Variants in WASHC5 observed in about 807,000 individuals in gnomAD.
WASHC5 encodes WASH complex subunit strumpellin.
In WASHC5, 101 loss-of-function variants were observed where a neutral mutation model predicts 150.4. The ratio of observed to expected loss-of-function variants is 0.67; its 90% confidence interval spans 0.57 to 0.79. WASHC5 has a LOEUF of 0.79. Ranked by LOEUF, WASHC5 falls within the 30% of genes least tolerant of loss-of-function variation. The pLI, the probability that WASHC5 is intolerant of heterozygous loss-of-function variation, is 0.00. For missense variants in WASHC5, 1,195 were observed against 1,396.3 expected, an observed-to-expected ratio of 0.86 and a Z score of 2.30; for synonymous variants, 467 against 491.2, an observed-to-expected ratio of 0.95 and a Z score of 0.65.
intron 10 of WASHC5, 121 bp from the exon 11 acceptor site, chr8:125,063,772 C>G: frequency 1.1e-6 from 1 of 879,940 alleles, no homozygotes; most frequent in Non-Finnish European, 1.8e-6. Flanking sequence ...TATAAATTAA[C>G]ATTGACCCTG....
chr8:125,082,570 C>T, intron 3 of WASHC5, 103 bp from the exon 4 acceptor site: 1 of 742,622 alleles, frequency 1.3e-6, no homozygotes, highest in Non-Finnish European at 2.4e-6. Context: ...GCCAGGCATT[C>T]TGGCCTTCCA....
chr8:125,034,520 G>C (rs1239020953), intron 26 of WASHC5, among the ~76,000 whole-genome samples: 1 of 151,912 alleles, frequency 6.6e-6, no homozygotes, highest in Non-Finnish European at 1.5e-5. Flanking sequence ...AAAAAAGAAT[G>C]GCTAAAATGA....
chr8:125,042,750 G>A (rs897629861), intron 23 of WASHC5, among the ~76,000 whole-genome samples: 26 of 152,062 alleles, frequency 1.7e-4, no homozygotes, highest in African/African-American at 5.1e-4. Context: ...CCTGGGAAGC[G>A]CTTAATATCT....
intron 1 of WASHC5, among the ~76,000 whole-genome samples, chr8:125,090,692 T>C (rs935841656): frequency 2.6e-5 from 4 of 152,200 alleles, no homozygotes; most frequent in Non-Finnish European, 2.9e-5. Flanking sequence ...CAGAATAATA[T>C]TTCTTAAGGA....
rs367647052 is a variant in WASHC5, at chr8:125,037,274, G to A, written c.3144C>T (p.Ile1048=). 1.3e-5 allele frequency: 21 copies of A among 1,612,256 alleles called. No individual in the cohort carries two copies. The Middle Eastern group carries it at 5.0e-4, about 38-fold the overall frequency. The change falls in exon 26 of 29, where the codon ATC becomes ATT. Residue 1048 remains isoleucine (I), a synonymous_variant. Transcript: ENST00000318410. ...TGTATTGAAGTTTTGGCAACTGAGC[G>A]ATCAAAAATAGAAAGTTTACAATTG... ...YFPIVNFLFL[I]AQLPKLQYNK...
intron 20 of WASHC5, 200 bp from the exon 21 acceptor site, chr8:125,044,898 C>T: frequency 3.2e-6 from 2 of 631,608 alleles, no homozygotes; most frequent in Non-Finnish European, 5.7e-6. Context: ...TCAGTCTGAC[C>T]CCCTTTTCCT....
intron 10 of WASHC5, among the ~76,000 whole-genome samples, chr8:125,066,751 C>T (rs1412937803): frequency 6.6e-6 from 1 of 152,188 alleles, no homozygotes; most frequent in Admixed American, 6.5e-5. Flanking sequence ...GCCAACTGGT[C>T]TTTCAGGTCT....
At chr8:125,090,598 A>AT (rs1817579347) in intron 1 of WASHC5, among the ~76,000 whole-genome samples, 1 of 152,178 alleles carries the variant, frequency 6.6e-6, no homozygotes, top group Non-Finnish European at 1.5e-5. Flanking sequence ...TGGAACTGTG[A>AT]TTTTCAGTTT....
chr8:125,053,475 G>A (rs1023722656), intron 17 of WASHC5, among the ~76,000 whole-genome samples: 5 of 152,016 alleles, frequency 3.3e-5, no homozygotes, highest in Non-Finnish European at 7.4e-5. Flanking sequence ...TTCTTACAGT[G>A]GTCACTTTGC....
intron 1 of WASHC5, among the ~76,000 whole-genome samples, chr8:125,089,907 T>C (rs1049511680): frequency 1.3e-5 from 2 of 149,468 alleles, no homozygotes; most frequent in African/African-American, 5.0e-5. Flanking sequence ...TAAATCACCT[T>C]TCTAAAATTC....
chr8:125,073,386 T>C, intron 8 of WASHC5, 62 bp from the exon 9 acceptor site: 1 of 1,318,808 alleles, frequency 7.6e-7, no homozygotes, highest in South Asian at 1.2e-5. Flanking sequence ...ATAAATCACA[T>C]TCAAATGAAT....
chr8:125,068,065 T>C (rs1447280209), intron 9 of WASHC5, among the ~76,000 whole-genome samples: 1 of 152,188 alleles, frequency 6.6e-6, no homozygotes, highest in African/African-American at 2.4e-5. Context: ...CATAGCTGGG[T>C]GGCTTCCTCA....
intron 5 of WASHC5, among the ~76,000 whole-genome samples, chr8:125,079,135 T>TATATATACATAC (rs35442808): frequency 8.5e-6 from 1 of 117,492 alleles, no homozygotes; most frequent in Non-Finnish European, 1.6e-5. Flanking sequence ...TATATATATA[T>TATATATACATAC]ATATACATTT....
chr8:125,025,207 T>G (rs543728590), intron 28 of WASHC5, among the ~76,000 whole-genome samples: 11 of 152,134 alleles, frequency 7.2e-5, no homozygotes, highest in Non-Finnish European at 1.0e-4. Flanking sequence ...AATGTAGAGG[T>G]AGGTGATCTC....
chr8:125,061,341 G>C (rs1816588654), intron 11 of WASHC5, 147 bp from the exon 12 acceptor site: 1 of 594,034 alleles, frequency 1.7e-6, no homozygotes, highest in African/African-American at 1.9e-5. Flanking sequence ...CGACAAAAAT[G>C]CCTGGAGCAT....
intron 28 of WASHC5, among the ~76,000 whole-genome samples, chr8:125,027,687 G>A (rs1177246510): frequency 6.6e-6 from 1 of 152,136 alleles, no homozygotes; most frequent in Non-Finnish European, 1.5e-5. Context: ...CAGGTGATGG[G>A]TGCATCAAAA....
At chr8:125,044,426 T>C in intron 21 of WASHC5, 110 bp downstream of exon 21, 9 of 1,185,136 alleles carry the variant, frequency 7.6e-6, no homozygotes, top group Non-Finnish European at 1.1e-5. Context: ...CTAAAGTCAG[T>C]GTAAGAAATC....
Position 125,050,591 on chromosome 8 carries a change from C to T in WASHC5, c.2172G>A (p.Arg724=), listed in dbSNP as rs1816211085. ...LVKRVAFALH[R]GLIFNPRAKP... Reference sequence around the variant, plus strand: ...TGGCTCGAGGGTTGAATATCAGTCCCCTATGCAGGGCAAAGGCAACGCGCT... The same window carrying T: ...TGGCTCGAGGGTTGAATATCAGTCCTCTATGCAGGGCAAAGGCAACGCGCT... The change falls in exon 18 of 29, where the codon AGG becomes AGA. Residue 724 remains arginine, a synonymous_variant. Coordinates refer to ENST00000318410, the MANE Select transcript of WASHC5 (RefSeq NM_014846.4). 6.2e-7 allele frequency: 1 copy of T among 1,613,990 alleles called. No homozygotes were observed. The highest frequency in any genetic ancestry group is 2.2e-5 in the East Asian group (1 of 44,900).
At chr8:125,057,180 C>T (rs10113495) in intron 15 of WASHC5, among the ~76,000 whole-genome samples, 2 of 151,998 alleles carry the variant, frequency 1.3e-5, no homozygotes, top group East Asian at 1.9e-4. Flanking sequence ...TTTATTAAAA[C>T]GAGAATCAAA....
Sources: gnomAD v4.1 joint callset for allele counts (sites outside exome capture counted in the v4.1 genomes callset) on GRCh38, gnomAD v4.1.1 for gene constraint, MANE v1.5 for transcripts, NCBI Gene and HGNC (gene_info 2026-07-23, HGNC 2026-07-21) for gene names.